The following EXOC4 variants were observed in gnomAD, a reference collection of about 807,000 sequenced individuals.
EXOC4 encodes the protein exocyst complex component 4, also known as SEC8-like 1.
A neutral mutation model predicts 107.2 loss-of-function variants in EXOC4; 71 were observed. The observed-to-expected ratio is 0.66, with a 90% CI of 0.55 to 0.81. The LOEUF (loss-of-function observed/expected upper bound fraction) is 0.81. Among genes scored for constraint, EXOC4 ranks in the 30% least tolerant of loss-of-function variants. The probability of loss-of-function intolerance (pLI) is 0.00; values close to 1 mark genes in which losing one functional copy is unlikely to be tolerated. For missense variants in EXOC4, 1,108 were observed against 1,189.6 expected (o/e 0.93, Z 1.01); for synonymous variants, 456 against 441.2 (o/e 1.03, Z -0.42).
intron 5 of EXOC4, among the ~76,000 whole-genome samples, chr7:133,319,365 G>A (rs1283136701): frequency 1.3e-5 from 2 of 152,168 alleles, no homozygotes; most frequent in African/African-American, 2.4e-5. Flanking sequence ...ATTACTTAGT[G>A]GAGTTCATGG....
intron 9 of EXOC4, among the ~76,000 whole-genome samples, chr7:133,619,200 C>T (rs1001048006): frequency 6.6e-6 from 1 of 152,138 alleles, no homozygotes; most frequent in Non-Finnish European, 1.5e-5. Flanking sequence ...TAAATGGCAC[C>T]ATGTTTTGCA....
intron 10 of EXOC4, among the ~76,000 whole-genome samples, chr7:133,667,028 C>T (rs567534562): frequency 5.9e-5 from 9 of 152,216 alleles, no homozygotes; most frequent in African/African-American, 2.2e-4. Flanking sequence ...CTTCCATTCT[C>T]TCTTAGCACT....
chr7:133,549,241 C>G (rs1335447071), intron 9 of EXOC4, among the ~76,000 whole-genome samples: 1 of 152,190 alleles, frequency 6.6e-6, no homozygotes, highest in Non-Finnish European at 1.5e-5. Context: ...ATCTGCCCGC[C>G]TTGGCCTCCC....
chr7:133,729,306 T>A (rs951138431), intron 10 of EXOC4, among the ~76,000 whole-genome samples: 15 of 152,178 alleles, frequency 9.9e-5, no homozygotes, highest in East Asian at 3.8e-4. Flanking sequence ...TGCCATTTTT[T>A]AAAAATGTTA....
chr7:133,535,815 A>G (rs191841009), intron 9 of EXOC4, among the ~76,000 whole-genome samples: 1 of 152,248 alleles, frequency 6.6e-6, no homozygotes, highest in East Asian at 1.9e-4. Flanking sequence ...TCCAGCATAC[A>G]TTTTGTTGCT....
At chr7:133,755,255 ATATATATAT>A (rs552633693) in intron 10 of EXOC4, among the ~76,000 whole-genome samples, 2,442 of 100,394 alleles carry the variant, frequency 0.024, 65 homozygotes, top group East Asian at 0.11. Context: ...TATATATATT[ATATATATAT>A]TATATATATT....
chr7:133,416,898 A>T (rs1354133670), intron 7 of EXOC4, among the ~76,000 whole-genome samples: 1 of 152,154 alleles, frequency 6.6e-6, no homozygotes, highest in Admixed American at 6.5e-5. Flanking sequence ...CCTGGTGGTG[A>T]TGAAGGTAGC....
chr7:133,947,830 A>G (rs1418545621), intron 14 of EXOC4, among the ~76,000 whole-genome samples: 1 of 152,192 alleles, frequency 6.6e-6, no homozygotes, highest in East Asian at 1.9e-4. Flanking sequence ...TGATAATATC[A>G]TGGATGCTTA....
intron 11 of EXOC4, among the ~76,000 whole-genome samples, chr7:133,849,740 C>A (rs1798203350): frequency 6.6e-6 from 1 of 152,174 alleles, no homozygotes; most frequent in Admixed American, 6.5e-5. Context: ...GTTTGCTCAC[C>A]ATTGTATCTC....
intron 10 of EXOC4, among the ~76,000 whole-genome samples, chr7:133,755,871 G>A (rs1012001816): frequency 6.6e-6 from 1 of 152,072 alleles, no homozygotes; most frequent in Non-Finnish European, 1.5e-5. Context: ...TAAATAGCTT[G>A]CTTTTCCTTC....
intron 17 of EXOC4, among the ~76,000 whole-genome samples, chr7:134,060,605 A>G (rs1461680981): frequency 1.3e-5 from 2 of 152,190 alleles, no homozygotes; most frequent in African/African-American, 4.8e-5. Flanking sequence ...CTATTGGGTG[A>G]CATGATTTCA....
the EXOC4 span, among the ~76,000 whole-genome samples, chr7:134,092,922 C>CA: frequency 0.019 from 1,553 of 80,262 alleles, 34 homozygotes; most frequent in African/African-American, 0.046. Flanking sequence ...GACTCCATCT[C>CA]AAAAAAAAAA....
intron 7 of EXOC4, among the ~76,000 whole-genome samples, chr7:133,461,294 C>T (rs984986039): frequency 6.6e-6 from 1 of 152,146 alleles, no homozygotes; most frequent in African/African-American, 2.4e-5. Flanking sequence ...TGCTTCCAAA[C>T]CCCCTTATCT....
chr7:133,775,994 T>G (rs73724742), intron 10 of EXOC4, among the ~76,000 whole-genome samples: 2,595 of 152,282 alleles, frequency 0.017, 74 homozygotes, highest in African/African-American at 0.059. Flanking sequence ...CTTAATAGAC[T>G]TAAGATTTAT....
At chr7:133,736,763 T>C (rs762582683) in intron 10 of EXOC4, among the ~76,000 whole-genome samples, 3 of 152,190 alleles carry the variant, frequency 2.0e-5, no homozygotes, top group Non-Finnish European at 4.4e-5. Flanking sequence ...GTTGTTCTAA[T>C]CTATGTAGTC....
chr7:133,968,700 G>A (rs754484982), intron 14 of EXOC4, among the ~76,000 whole-genome samples: 3 of 151,946 alleles, frequency 2.0e-5, no homozygotes, highest in Admixed American at 6.6e-5. Flanking sequence ...GGGTTGCTGC[G>A]GAGAGATCCA....
At chr7:133,880,881 A>G (rs1175824974) in intron 11 of EXOC4, among the ~76,000 whole-genome samples, 1 of 152,206 alleles carries the variant, frequency 6.6e-6, no homozygotes, top group Non-Finnish European at 1.5e-5. Flanking sequence ...TAAGTTTAAC[A>G]GTAGCTTATG....
intron 13 of EXOC4, among the ~76,000 whole-genome samples, chr7:133,927,727 A>T (rs1800083954): frequency 6.6e-6 from 1 of 152,252 alleles, no homozygotes; most frequent in Non-Finnish European, 1.5e-5. Flanking sequence ...AAAATGCTTT[A>T]CTAAAATATT....
At chr7:133,799,708 T>C (rs1796893079) in intron 10 of EXOC4, among the ~76,000 whole-genome samples, 1 of 152,166 alleles carries the variant, frequency 6.6e-6, no homozygotes, top group Admixed American at 6.5e-5. Flanking sequence ...TGAAAGTTTT[T>C]GAGAAATGAA....
Sources: gnomAD v4.1 joint callset for allele counts (sites outside exome capture counted in the v4.1 genomes callset) on GRCh38, gnomAD v4.1.1 for gene constraint, MANE v1.5 for transcripts, NCBI Gene and HGNC (gene_info 2026-07-23, HGNC 2026-07-21) for gene names.